The following ANK2 variants were observed in gnomAD, a reference collection of about 807,000 sequenced individuals.
ANK2 encodes the protein ankyrin-2.
ANK2 carries 83 observed loss-of-function variants against 360.5 expected under a neutral mutation model. The observed-to-expected ratio is 0.23, with a 90% confidence interval of 0.19 to 0.28. ANK2 has a LOEUF of 0.28. Among genes scored for constraint, ANK2 ranks in the 10% least tolerant of loss-of-function variants. The pLI, the probability that ANK2 is intolerant of heterozygous loss-of-function variation, is 1.00. For missense variants in ANK2, 4,201 were observed against 4,795.7 expected, an observed-to-expected ratio of 0.88 and a Z score of 3.66; for synonymous variants, 1,740 against 1,759.5, an observed-to-expected ratio of 0.99 and a Z score of 0.28.
chr4:112,955,650 A>G (rs2095295200), intron 2 of ANK2, among the ~76,000 whole-genome samples: 1 of 152,186 alleles, frequency 6.6e-6, no homozygotes, highest in Non-Finnish European at 1.5e-5. Context: ...TCTAGTCTAC[A>G]GTGTCATGAA....
intron 1 of ANK2, among the ~76,000 whole-genome samples, chr4:113,070,728 C>T (rs149494958): frequency 6.6e-6 from 1 of 152,026 alleles, no homozygotes; most frequent in Non-Finnish European, 1.5e-5. Context: ...ATCCATCAAC[C>T]TTATTCCCTT....
At chr4:112,848,524 G>A (rs190467089) in intron 1 of ANK2, among the ~76,000 whole-genome samples, 14 of 152,312 alleles carry the variant, frequency 9.2e-5, no homozygotes, top group Admixed American at 7.8e-4. Context: ...GCTTCAAAAT[G>A]TCAGTTCCTT....
intron 23 of ANK2, among the ~76,000 whole-genome samples, chr4:113,305,329 G>A (rs536673682): frequency 1.1e-4 from 10 of 92,344 alleles, no homozygotes; most frequent in Non-Finnish European, 1.5e-4. Context: ...GACAGAGCGA[G>A]ACTCCGTCTC....
At chr4:113,008,458 C>T (rs2053647709) in intron 2 of ANK2, among the ~76,000 whole-genome samples, 1 of 152,274 alleles carries the variant, frequency 6.6e-6, no homozygotes, top group African/African-American at 2.4e-5. Context: ...ATATTTGTGA[C>T]CCCTGGTTAT....
the ANK2 span, among the ~76,000 whole-genome samples, chr4:112,755,046 T>C: frequency 3.3e-5 from 5 of 152,182 alleles, no homozygotes; most frequent in African/African-American, 1.2e-4. Flanking sequence ...CTTGCCAGGG[T>C]TTAAAGTCTG....
chr4:113,032,180 A>G (rs2060564162), intron 2 of ANK2, among the ~76,000 whole-genome samples: 1 of 152,128 alleles, frequency 6.6e-6, no homozygotes, highest in Non-Finnish European at 1.5e-5. Context: ...TGAAAAATAT[A>G]TGCAACTTAA....
intron 31 of ANK2, among the ~76,000 whole-genome samples, chr4:113,338,406 C>G (rs1002990709): frequency 5.9e-5 from 9 of 151,966 alleles, no homozygotes; most frequent in African/African-American, 2.2e-4. Context: ...TTTCATTTAC[C>G]TTGCAATATT....
intron 36 of ANK2, among the ~76,000 whole-genome samples, chr4:113,349,151 A>G (rs990813572): frequency 6.6e-6 from 1 of 152,162 alleles, no homozygotes; most frequent in African/African-American, 2.4e-5. Context: ...CAAGTCTTAG[A>G]GAGGTTACCT....
chr4:112,801,251 C>T, the ANK2 span, among the ~76,000 whole-genome samples: 28 of 152,142 alleles, frequency 1.8e-4, no homozygotes, highest in African/African-American at 5.8e-4. Flanking sequence ...CAACAAAATG[C>T]TGTAAAAATC....
intron 1 of ANK2, among the ~76,000 whole-genome samples, chr4:112,841,092 A>C (rs2149800386): frequency 6.6e-6 from 1 of 152,282 alleles, no homozygotes; most frequent in African/African-American, 2.4e-5. Context: ...AGAAGAAATT[A>C]CACCCTTCCC....
chr4:113,072,651 A>G (rs2078026662), intron 1 of ANK2, among the ~76,000 whole-genome samples: 2 of 152,108 alleles, frequency 1.3e-5, no homozygotes, highest in Admixed American at 1.3e-4. Context: ...GGCAATAGCA[A>G]TGCATTATGC....
At chr4:113,373,544 A>G in intron 45 of ANK2, 95 bp downstream of exon 45, 1 of 1,351,072 alleles carries the variant, frequency 7.4e-7, no homozygotes. Flanking sequence ...TATTTTCCTC[A>G]CTTCTCCCTT....
Position 113,174,471 on chromosome 4 carries a change from T to C in ANK2, c.140T>C (p.Val47Ala), listed in dbSNP as rs555003393. The change falls in exon 2 of 46, where the codon GTT (valine) becomes GCT (alanine). Residue 47 changes from valine (V) to alanine (A), a missense_variant. By Grantham distance (64) the Val-to-Ala change is moderately conservative. Around this residue, in one of 4 missense-constraint regions of ANK2, gnomAD observed 169 missense variants for 191.1 expected, o/e 0.88. Transcript: ENST00000357077. ...RAARAGNLDK[V>A]VEYLKGGIDI... ...GCCAGAGCAGGCAACCTGGACAAAG[T>C]TGTGGAATATCTGAAGGGGGGCATA... is the stretch of plus-strand genomic sequence containing the variant. 17 of 1,613,204 alleles carry C rather than the reference T, an allele frequency of 1.1e-5. No homozygotes were observed. In the South Asian group the frequency reaches 1.8e-4, roughly 17 times the overall value.
In ANK2 at chr4:113,302,859, T is replaced by A. The variant is rs1267808974; in HGVS notation, c.2548+20T>A. Reference sequence around the variant, plus strand: ...AAGAGGGTAAGACTTCTATTCAATCTTCTATGACACCTGTCATGTTCTTAC... The same window carrying A: ...AAGAGGGTAAGACTTCTATTCAATCATCTATGACACCTGTCATGTTCTTAC... On this transcript the variant is annotated intron_variant, in intron 23 of 45. Transcript: ENST00000357077. The A allele has an allele frequency of 1.3e-6, 2 of 1,595,098 alleles. No homozygotes were observed. Among genetic ancestry groups the A allele is most frequent in the Non-Finnish European group, 1.7e-6 (2 of 1,162,668 alleles).
At chr4:112,876,061 G>C (rs184691433) in intron 1 of ANK2, among the ~76,000 whole-genome samples, 81 of 151,392 alleles carry the variant, frequency 5.4e-4, no homozygotes, top group Admixed American at 9.9e-4. Context: ...GGTATATTTC[G>C]GATTTTTTTT....
chr4:113,117,417 A>G (rs146274813), intron 1 of ANK2: 7 of 456,266 alleles, frequency 1.5e-5, no homozygotes, highest in South Asian at 9.3e-5. Flanking sequence ...CGAAAAAGAA[A>G]GGTATGAGGA....
At chr4:113,302,666 T>C (rs2075555582) in intron 22 of ANK2, 101 bp from the exon 23 acceptor site, 2 of 900,470 alleles carry the variant, frequency 2.2e-6, no homozygotes, top group South Asian at 2.7e-5. Flanking sequence ...CATGGCTCGA[T>C]GGCTTGCTGC....
At chr4:113,008,669 T>C (rs545883205) in intron 2 of ANK2, among the ~76,000 whole-genome samples, 1 of 152,198 alleles carries the variant, frequency 6.6e-6, no homozygotes, top group Admixed American at 6.5e-5. Context: ...CAAATTCTAT[T>C]TGGAGGACAC....
chr4:113,377,664 C>T (rs147976238), intron 45 of ANK2, among the ~76,000 whole-genome samples: 114 of 152,200 alleles, frequency 7.5e-4, no homozygotes, highest in Admixed American at 1.5e-3. Flanking sequence ...TAAAAGCAAA[C>T]CTCTTAAAAT....
Sources: gnomAD v4.1 joint callset for allele counts (sites outside exome capture counted in the v4.1 genomes callset) on GRCh38, gnomAD v4.1.1 for gene constraint, gnomAD v4.1.1 regional missense constraint, MANE v1.5 for transcripts, NCBI Gene and HGNC (gene_info 2026-07-23, HGNC 2026-07-21) for gene names.